The following AKAP12 variants were observed in gnomAD, a reference collection of about 807,000 sequenced individuals.
The protein encoded by AKAP12 is A-kinase anchor protein 12.
AKAP12 carries 32 observed loss-of-function variants against 79.9 expected under a neutral mutation model. The ratio of observed to expected loss-of-function variants is 0.40; its 90% confidence interval spans 0.30 to 0.54. The LOEUF (loss-of-function observed/expected upper bound fraction) is 0.54. Ranked by LOEUF, AKAP12 falls within the 20% of genes least tolerant of loss-of-function variation. AKAP12 has a pLI of 0.48. For missense variants in AKAP12, 2,074 were observed against 2,177.0 expected (o/e 0.95, Z 0.94); for synonymous variants, 808 against 857.0 (o/e 0.94, Z 1.00).
chr6:151,335,477 GTTGT>G (rs1554331704), intron 3 of AKAP12, among the ~76,000 whole-genome samples: 11 of 151,664 alleles, frequency 7.3e-5, no homozygotes, highest in Middle Eastern at 6.8e-3. Flanking sequence ...TATTTTTACT[GTTGT>G]TTGTTTGTTT....
At chr6:151,288,243 A>G (rs1582858037) in intron 2 of AKAP12, among the ~76,000 whole-genome samples, 4 of 151,696 alleles carry the variant, frequency 2.6e-5, no homozygotes, top group African/African-American at 9.7e-5. Context: ...GGCTGGGTGC[A>G]GTGGCCCATG....
chr6:151,348,161 C>G (rs1159577819), intron 3 of AKAP12, among the ~76,000 whole-genome samples: 2 of 135,104 alleles, frequency 1.5e-5, no homozygotes, highest in African/African-American at 5.1e-5. Context: ...TCAAAAAAAA[C>G]AAACAAAAAA....
chr6:151,264,319 CACTG>C (rs1429870497), intron 2 of AKAP12, among the ~76,000 whole-genome samples: 2 of 149,562 alleles, frequency 1.3e-5, no homozygotes. Context: ...CTCAAAGTGC[CACTG>C]ACATCATAAA....
At chr6:151,264,941 C>G (rs935292574) in intron 2 of AKAP12, among the ~76,000 whole-genome samples, 27 of 152,004 alleles carry the variant, frequency 1.8e-4, no homozygotes, top group African/African-American at 5.6e-4. Context: ...CACCTGAGGT[C>G]AGGAGTTCAA....
chr6:151,268,450 A>G (rs1211601020), intron 2 of AKAP12, among the ~76,000 whole-genome samples: 2 of 152,186 alleles, frequency 1.3e-5, no homozygotes, highest in African/African-American at 4.8e-5. Flanking sequence ...GTGTGACTAT[A>G]TGTTCTCAAA....
intron 3 of AKAP12, among the ~76,000 whole-genome samples, chr6:151,309,349 T>C (rs1013561338): frequency 6.6e-6 from 1 of 152,216 alleles, no homozygotes. Context: ...TTTTGGTCCC[T>C]GGGAGGACTG....
At chr6:151,270,087 G>A (rs1776150946) in intron 2 of AKAP12, among the ~76,000 whole-genome samples, 2 of 152,076 alleles carry the variant, frequency 1.3e-5, no homozygotes, top group South Asian at 2.1e-4. Context: ...AGACAGTCTC[G>A]CTCTTGTTGC....
In AKAP12 at chr6:151,351,148, A is replaced by G; in HGVS notation, c.2757A>G (p.Thr919=). ...RSPSWISASV[T]EPLEQVEAEA... is the part of the protein sequence containing the mutation. ...CTTCTTGGATATCTGCTTCAGTGAC[A>G]GAACCTCTTGAACAAGTAGAAGCTG... The change falls in exon 4 of 5, where the codon ACA becomes ACG. Residue 919 remains threonine (T), a synonymous_variant. Transcript: ENST00000402676. This position sits in a 1 kb window ranked among gnomAD's most constrained non-coding sequence, Gnocchi z 4.4. 6.2e-7 allele frequency: 1 copy of G among 1,614,256 alleles called. No individual in the cohort carries two copies. Among genetic ancestry groups the G allele is most frequent in the Non-Finnish European group, 8.5e-7 (1 of 1,180,052 alleles).
rs1582898186 is a variant in AKAP12, at chr6:151,346,824, TA to T, written c.320-1884del. Among the ~76,000 whole-genome samples the T allele has an allele frequency of 3.3e-5, 5 of 152,376 alleles. No individual in the cohort carries two copies. In the East Asian group the frequency reaches 9.6e-4, roughly 29 times the overall value. On this transcript the variant is annotated intron_variant, in intron 3 of 4. Coordinates refer to ENST00000402676, the MANE Select transcript of AKAP12 (RefSeq NM_005100.4). ...ATGGTGTCTGTAAATTGTGATTTTC[TA>T]AATCTAAAATTCTAACAATAATGAC...
chr6:151,268,945 GTTTTTTTTTT>G (rs558502756), intron 2 of AKAP12, among the ~76,000 whole-genome samples: 42 of 77,432 alleles, frequency 5.4e-4, no homozygotes, highest in Admixed American at 7.4e-4. Flanking sequence ...TGCTCGGCCT[GTTTTTTTTTT>G]TTTTTTTTTT....
chr6:151,253,978 G>A (rs1044401129), intron 2 of AKAP12, among the ~76,000 whole-genome samples: 55 of 152,184 alleles, frequency 3.6e-4, no homozygotes, highest in African/African-American at 1.2e-3. Flanking sequence ...CAAAGTGCTG[G>A]GACTACAGGT....
intron 2 of AKAP12, among the ~76,000 whole-genome samples, chr6:151,301,451 G>A (rs59410126): frequency 0.015 from 2,250 of 152,220 alleles, 58 homozygotes; most frequent in African/African-American, 0.051. Flanking sequence ...CTCTATTTGA[G>A]GTGACTTTAA....
In AKAP12 at chr6:151,351,880, G is replaced by A; in HGVS notation, c.3489G>A (p.Val1163=). The change falls in exon 4 of 5, where the codon GTG becomes GTA. Residue 1163 remains valine (V), a synonymous_variant. Coordinates refer to ENST00000402676, the MANE Select transcript of AKAP12 (RefSeq NM_005100.4). This position sits in a 1 kb window ranked among gnomAD's most constrained non-coding sequence, Gnocchi z 4.4. ...VMEQAIPPDS[V]ETPTDSETDG... ...AACAGGCTATCCCCCCTGACTCGGT[G>A]GAAACCCCTACAGACAGTGAGACTG... 6.2e-7 allele frequency: 1 copy of A among 1,614,074 alleles called. No homozygotes were observed. The highest frequency in any genetic ancestry group is 8.5e-7 in the Non-Finnish European group (1 of 1,180,010).
rs1021707934 is a variant in AKAP12 at position 151,279,922 on chromosome 6, A to G, written c.163-25825A>G. 2.0e-5 allele frequency among the ~76,000 whole-genome samples: 3 copies of G among 152,184 alleles called. No individual in the cohort carries two copies. The South Asian group carries it at 6.2e-4, about 32-fold the overall frequency. On this transcript the variant is annotated intron_variant, in intron 2 of 4. Transcript: ENST00000402676. ...AAATAAATATCTTTTTTTAAGCATAAAAGTGGTATATTGTCATTGTGCAAA... is the reference window on the plus strand; with the variant it reads ...AAATAAATATCTTTTTTTAAGCATAGAAGTGGTATATTGTCATTGTGCAAA...
chr6:151,303,143 A>C (rs1776897264), intron 2 of AKAP12, among the ~76,000 whole-genome samples: 1 of 152,232 alleles, frequency 6.6e-6, no homozygotes, highest in South Asian at 2.1e-4. Context: ...CAGTGAGCCA[A>C]GATCATGCCA....
chr6:151,257,756 T>C (rs1244859954), intron 2 of AKAP12, among the ~76,000 whole-genome samples: 1 of 152,220 alleles, frequency 6.6e-6, no homozygotes, highest in Non-Finnish European at 1.5e-5. Flanking sequence ...TTACAGTATG[T>C]GGGAAGTGCC....
intron 2 of AKAP12, among the ~76,000 whole-genome samples, chr6:151,248,857 T>C (rs117690075): frequency 0.074 from 11,228 of 151,926 alleles, 490 homozygotes; most frequent in Middle Eastern, 0.14. Context: ...TATGGTGGTG[T>C]GTACCTGTAA....
At chr6:151,346,431 C>T (rs1298535932) in intron 3 of AKAP12, among the ~76,000 whole-genome samples, 4 of 152,210 alleles carry the variant, frequency 2.6e-5, no homozygotes, top group Non-Finnish European at 5.9e-5. Flanking sequence ...GCTGGATTTT[C>T]ATCCTTCTGT....
chr6:151,263,965 C>G (rs1797493337), intron 2 of AKAP12, among the ~76,000 whole-genome samples: 1 of 152,176 alleles, frequency 6.6e-6, no homozygotes, highest in Non-Finnish European at 1.5e-5. Context: ...ACCTAGGATG[C>G]CTCTACTTCA....
Sources: allele counts gnomAD v4.1 joint callset (sites outside exome capture counted in the v4.1 genomes callset), GRCh38; gene constraint gnomAD v4.1.1; non-coding constraint Gnocchi (gnomAD v3.1); transcripts MANE v1.5; gene names NCBI Gene and HGNC (gene_info 2026-07-23, HGNC 2026-07-21).